PALMD: variants seen among roughly 807,000 people sequenced by gnomAD.
PALMD encodes paralemmin-like protein.
A neutral mutation model predicts 56.2 loss-of-function variants in PALMD; 42 were observed. That is an observed-to-expected ratio of 0.75 (90% CI 0.58 to 0.97). The LOEUF is 0.97. Among genes scored for constraint, PALMD ranks in the 50% least tolerant of loss-of-function variants. The probability of loss-of-function intolerance (pLI) is 0.00; values close to 1 mark genes in which losing one functional copy is unlikely to be tolerated. For missense variants in PALMD, 660 were observed against 643.8 expected (o/e 1.03, Z -0.27); for synonymous variants, 242 against 222.9 (o/e 1.09, Z -0.76).
chr1:99,690,774 A>G (rs576761820), intron 7 of PALMD, among the ~76,000 whole-genome samples: 10 of 152,296 alleles, frequency 6.6e-5, no homozygotes, highest in Admixed American at 6.5e-4. Context: ...TGCTAGGGAT[A>G]GTAATTTTAA....
intron 1 of PALMD, among the ~76,000 whole-genome samples, chr1:99,659,839 A>C (rs1396867866): frequency 2.0e-5 from 3 of 152,210 alleles, no homozygotes; most frequent in African/African-American, 7.2e-5. Context: ...AGACTGATAT[A>C]AGAGAGGCAT....
rs749420248 is a variant in PALMD, at chr1:99,689,528, C to T, written c.1268C>T (p.Ala423Val). 1.1e-5 allele frequency: 18 copies of T among 1,613,628 alleles called. 1 individual carries two copies. In the South Asian group the frequency reaches 1.9e-4, roughly 17 times the overall value. The change falls in exon 7 of 8, where the codon GCA (alanine) becomes GTA (valine). Residue 423 changes from alanine (A) to valine (V), a missense_variant. Coordinates refer to ENST00000263174, the MANE Select transcript of PALMD (RefSeq NM_017734.5). ...ATGATTTTCATGGGGTATCAGCAGG[C>T]AGAAGACAGTGAAGAAGATAAGAAG... is the stretch of plus-strand genomic sequence containing the variant. ...VTMIFMGYQQ[A>V]EDSEEDKKFL...
At chr1:99,673,424 G>A (rs956653857) in intron 3 of PALMD, among the ~76,000 whole-genome samples, 5 of 151,348 alleles carry the variant, frequency 3.3e-5, no homozygotes, top group South Asian at 2.1e-4. Flanking sequence ...ACCCTAACCC[G>A]TATCTAATAC....
intron 3 of PALMD, among the ~76,000 whole-genome samples, chr1:99,678,443 G>A (rs756572222): frequency 2.6e-4 from 39 of 151,992 alleles, no homozygotes; most frequent in Non-Finnish European, 5.4e-4. Context: ...TCTACATCAA[G>A]CCCTGTTGTA....
chr1:99,660,101 G>A (rs1208167540), intron 1 of PALMD, among the ~76,000 whole-genome samples: 1 of 152,226 alleles, frequency 6.6e-6, no homozygotes, highest in Non-Finnish European at 1.5e-5. Context: ...TTTTCACGGA[G>A]AGCTAGCTGC....
At chr1:99,687,244 T>C in intron 6 of PALMD, 55 bp downstream of exon 6, 1 of 1,529,618 alleles carries the variant, frequency 6.5e-7, no homozygotes, top group Non-Finnish European at 8.8e-7. Context: ...TTTTACAGTG[T>C]CAAATATTCA....
chr1:99,681,964 C>G (rs6577121), intron 3 of PALMD, among the ~76,000 whole-genome samples: 5,336 of 152,200 alleles, frequency 0.035, 276 homozygotes, highest in African/African-American at 0.12. Context: ...ATCTGGTGTA[C>G]AGGTTGTCAA....
intron 1 of PALMD, among the ~76,000 whole-genome samples, chr1:99,661,787 A>T (rs1273353329): frequency 6.6e-6 from 1 of 152,220 alleles, no homozygotes; most frequent in Non-Finnish European, 1.5e-5. Flanking sequence ...TAGTGTTAAG[A>T]AGCACTATCT....
chr1:99,691,354 A>G (rs1653647258), intron 7 of PALMD, among the ~76,000 whole-genome samples: 1 of 152,096 alleles, frequency 6.6e-6, no homozygotes, highest in Non-Finnish European at 1.5e-5. Context: ...CAACACATTT[A>G]CCCCATGGAA....
chr1:99,676,297 T>A (rs540380245), intron 3 of PALMD, among the ~76,000 whole-genome samples: 10 of 152,284 alleles, frequency 6.6e-5, no homozygotes, highest in African/African-American at 2.4e-4. Flanking sequence ...TTCTTCTTCT[T>A]CCTTTTTTTT....
intron 1 of PALMD, among the ~76,000 whole-genome samples, chr1:99,654,116 T>TTGGTTTTGTTTTGTCACTATTTGTTAGAA (rs1178773035): frequency 1.4e-4 from 22 of 152,014 alleles, no homozygotes; most frequent in Non-Finnish European, 1.5e-5. Flanking sequence ...AAAATCAGGT[T>TTGGTTTTGTTTTGTCACTATTTGTTAGAA]CAACACAAGT....
At chr1:99,679,592 C>A (rs541888231) in intron 3 of PALMD, among the ~76,000 whole-genome samples, 1 of 152,182 alleles carries the variant, frequency 6.6e-6, no homozygotes. Context: ...TGGGTCAACA[C>A]GTTTACACAC....
In PALMD at chr1:99,646,266, T is replaced by G; in HGVS notation, c.-52T>G. 3 of 1,500,594 alleles carry G rather than the reference T, an allele frequency of 2.0e-6. No homozygotes were observed. The highest frequency in any genetic ancestry group is 1.9e-6 in the Non-Finnish European group (2 of 1,076,812). The allele number at this position is 1,500,594 out of a possible 1,614,324, so 93.0% of individuals were successfully genotyped here. On this transcript the variant is annotated 5_prime_UTR_variant, in exon 1 of 8. Coordinates refer to ENST00000263174, the MANE Select transcript of PALMD (RefSeq NM_017734.5). ...TCCTCTCCCCCAGGAGGCTCCTTGA[T>G]TTATGGTAGCTTTGGACTTGCTTCC...
chr1:99,679,455 G>GA lies in PALMD; in HGVS notation c.252-7212dup, dbSNP rs930287369. The stretch of plus-strand genomic sequence containing the variant: ...AGAACCAAAGTCAAGCAGCCAAAAG[G>GA]AAAAAAAAAGATAAAGCCCGGACTT... On this transcript the variant is annotated intron_variant, in intron 3 of 7. Transcript: ENST00000263174. 2.1e-4 allele frequency among the ~76,000 whole-genome samples: 31 copies of GA among 150,440 alleles called. No individual in the cohort carries two copies. The East Asian group carries it at 3.3e-3, about 16-fold the overall frequency.
intron 2 of PALMD, among the ~76,000 whole-genome samples, chr1:99,665,453 A>G (rs1652940738): frequency 6.6e-6 from 1 of 152,150 alleles, no homozygotes; most frequent in African/African-American, 2.4e-5. Flanking sequence ...CAAATTGCAT[A>G]TTTTATATTT....
intron 3 of PALMD, among the ~76,000 whole-genome samples, chr1:99,682,064 T>G (rs1653359045): frequency 6.6e-6 from 1 of 152,176 alleles, no homozygotes; most frequent in Non-Finnish European, 1.5e-5. Context: ...TTCCTTACTC[T>G]CAGTTATGCT....
intron 1 of PALMD, among the ~76,000 whole-genome samples, chr1:99,653,219 T>C (rs1004212525): frequency 6.6e-6 from 1 of 152,080 alleles, no homozygotes; most frequent in South Asian, 2.1e-4. Context: ...AATGAACAAA[T>C]ACAATCAAGC....
At chr1:99,691,841 T>A (rs537171609) in intron 7 of PALMD, among the ~76,000 whole-genome samples, 75 of 152,282 alleles carry the variant, frequency 4.9e-4, no homozygotes, top group African/African-American at 1.8e-3. Flanking sequence ...TAGTTAAGAA[T>A]TGTTAGTCTC....
At chr1:99,675,002 TG>T (rs1479291023) in intron 3 of PALMD, among the ~76,000 whole-genome samples, 1 of 152,236 alleles carries the variant, frequency 6.6e-6, no homozygotes, top group Non-Finnish European at 1.5e-5. Flanking sequence ...CCCCTTGCGA[TG>T]CATCTTTTGT....
Sources: allele counts gnomAD v4.1 joint callset (sites outside exome capture counted in the v4.1 genomes callset), GRCh38; gene constraint gnomAD v4.1.1; transcripts MANE v1.5; gene names NCBI Gene and HGNC (gene_info 2026-07-23, HGNC 2026-07-21).